The following MAML3 variants were observed in gnomAD, a reference collection of about 807,000 sequenced individuals.
The protein encoded by MAML3 is mastermind-like protein 3.
A neutral mutation model predicts 101.9 loss-of-function variants in MAML3; 27 were observed. That is an observed-to-expected ratio of 0.27 (90% CI 0.20 to 0.37). The LOEUF is 0.37. MAML3 is among the 10% of genes least tolerant of loss of function. The probability of loss-of-function intolerance (pLI) is 1.00; values close to 1 mark genes in which losing one functional copy is unlikely to be tolerated. For synonymous variants in MAML3, 501 were observed against 555.9 expected, an observed-to-expected ratio of 0.90 and a Z score of 1.39; for missense variants, 1,316 against 1,444.9, an observed-to-expected ratio of 0.91 and a Z score of 1.45.
chr4:139,852,403 G>GTTTTTTTTTTTTTTTTTGTTTTT (rs1731573441), intron 2 of MAML3, among the ~76,000 whole-genome samples: 3 of 68,346 alleles, frequency 4.4e-5, no homozygotes, highest in African/African-American at 2.0e-4. Context: ...TCAGAAGACT[G>GTTTTTTTTTTTTTTTTTGTTTTT]TTTTTTTTTT....
At chr4:140,113,662 T>C (rs748142811) in intron 1 of MAML3, among the ~76,000 whole-genome samples, 1 of 152,202 alleles carries the variant, frequency 6.6e-6, no homozygotes, top group Admixed American at 6.5e-5. Flanking sequence ...CACAAAAGCT[T>C]GGGAGCAACC....
chr4:139,874,881 G>A (rs1341034412), intron 2 of MAML3, among the ~76,000 whole-genome samples: 1 of 145,752 alleles, frequency 6.9e-6, no homozygotes, highest in African/African-American at 2.6e-5. Flanking sequence ...TCAGCTCACT[G>A]CAAGCTCCTC....
At chr4:140,093,543 A>G (rs1728098836) in intron 1 of MAML3, among the ~76,000 whole-genome samples, 1 of 151,496 alleles carries the variant, frequency 6.6e-6, no homozygotes, top group African/African-American at 2.4e-5. Flanking sequence ...CAGCCTCCCA[A>G]GTAGCTGGGA....
At chr4:139,776,922 A>G (rs1373995569) in intron 2 of MAML3, among the ~76,000 whole-genome samples, 1 of 152,230 alleles carries the variant, frequency 6.6e-6, no homozygotes. Flanking sequence ...AGCAATAGCC[A>G]TAATTAAAGG....
Position 139,962,895 on chromosome 4 carries a change from T to C in MAML3, c.469-71928A>G, listed in dbSNP as rs1049147723. On this transcript the variant is annotated intron_variant, in intron 1 of 4. Transcript: ENST00000509479. ...ACATGGGGGAATGCCTTGGTGCTTC[T>C]TTTTTTTACCACTGCAAATAAGTAT... Among the ~76,000 whole-genome samples, 47 of 134,710 alleles carry C rather than the reference T, an allele frequency of 3.5e-4. 1 individual carries two copies. The highest frequency in any genetic ancestry group is 1.0e-4 in the Non-Finnish European group (7 of 67,874). 88.4% of individuals were successfully genotyped at this position (134,710 alleles called of 152,430 possible).
Position 139,970,279 on chromosome 4 carries a change from T to C in MAML3, c.469-79312A>G, listed in dbSNP as rs562104809. On this transcript the variant is annotated intron_variant, in intron 1 of 4. Coordinates refer to ENST00000509479, the MANE Select transcript of MAML3 (RefSeq NM_018717.5). ...AGCATTGGATGAAATTAGTTGGATT[T>C]TGATAGGTGGAGAAGATGAGCAAGA... Among the ~76,000 whole-genome samples the C allele has an allele frequency of 9.2e-5, 14 of 152,254 alleles. 1 individual carries two copies. In the South Asian group the frequency reaches 2.9e-3, roughly 32 times the overall value.
At chr4:140,072,798 C>CA (rs1206893597) in intron 1 of MAML3, among the ~76,000 whole-genome samples, 2 of 152,190 alleles carry the variant, frequency 1.3e-5, no homozygotes, top group African/African-American at 4.8e-5. Context: ...AGCCATCCCC[C>CA]ATGGACACCA....
chr4:140,016,336 C>T (rs1230003346), intron 1 of MAML3, among the ~76,000 whole-genome samples: 1 of 152,050 alleles, frequency 6.6e-6, no homozygotes, highest in East Asian at 1.9e-4. Context: ...TGGAAGACAA[C>T]ATAGTAAGAT....
At chr4:139,987,438 C>T (rs1327292883) in intron 1 of MAML3, among the ~76,000 whole-genome samples, 3 of 152,250 alleles carry the variant, frequency 2.0e-5, no homozygotes, top group South Asian at 2.1e-4. Flanking sequence ...GTGGGAACGC[C>T]GTGCGTCATC....
chr4:140,075,083 T>C (rs919740161), intron 1 of MAML3, among the ~76,000 whole-genome samples: 5 of 152,216 alleles, frequency 3.3e-5, no homozygotes, highest in African/African-American at 1.2e-4. Flanking sequence ...ACGCTTATGA[T>C]AGACTCAGCA....
At chr4:139,941,856 G>C (rs927285658) in intron 1 of MAML3, among the ~76,000 whole-genome samples, 11 of 152,084 alleles carry the variant, frequency 7.2e-5, no homozygotes, top group Non-Finnish European at 1.2e-4. Flanking sequence ...ATACCAAGCC[G>C]GTCACGATGG....
At chr4:140,103,779 C>T (rs1402341041) in intron 1 of MAML3, among the ~76,000 whole-genome samples, 4 of 152,182 alleles carry the variant, frequency 2.6e-5, no homozygotes, top group Admixed American at 6.5e-5. Flanking sequence ...CTGCTTATTA[C>T]GTCAGCTTCC....
chr4:139,805,505 A>G (rs1003916063), intron 2 of MAML3, among the ~76,000 whole-genome samples: 5 of 152,214 alleles, frequency 3.3e-5, no homozygotes, highest in Admixed American at 6.5e-5. Context: ...TCAGAAACAG[A>G]AATAATTAAA....
chr4:139,993,686 G>T (rs943696209), intron 1 of MAML3, among the ~76,000 whole-genome samples: 1 of 151,858 alleles, frequency 6.6e-6, no homozygotes, highest in Non-Finnish European at 1.5e-5. Context: ...AAATTAACTG[G>T]GTGTGGTGGC....
At chr4:139,950,588 T>G (rs570098163) in intron 1 of MAML3, among the ~76,000 whole-genome samples, 2 of 152,176 alleles carry the variant, frequency 1.3e-5, no homozygotes, top group Non-Finnish European at 2.9e-5. Flanking sequence ...GTAGTTCTTA[T>G]AAGAAAAGAT....
At chr4:139,741,833 G>A (rs1729175002) in intron 2 of MAML3, among the ~76,000 whole-genome samples, 2 of 152,210 alleles carry the variant, frequency 1.3e-5, no homozygotes, top group East Asian at 1.9e-4. Context: ...TTTATCTTGT[G>A]CACGGTATAA....
chr4:139,776,523 T>C (rs1417557949), intron 2 of MAML3, among the ~76,000 whole-genome samples: 1 of 152,300 alleles, frequency 6.6e-6, no homozygotes, highest in East Asian at 1.9e-4. Context: ...TAGGGAAAAG[T>C]GCAGAGCTGC....
chr4:139,974,888 G>A (rs1197947216), intron 1 of MAML3, among the ~76,000 whole-genome samples: 2 of 152,022 alleles, frequency 1.3e-5, no homozygotes, highest in Non-Finnish European at 2.9e-5. Context: ...GGCAGGAGGT[G>A]GTCACTGTTT....
At chr4:139,918,176 C>G (rs1470816840) in intron 1 of MAML3, among the ~76,000 whole-genome samples, 1 of 152,134 alleles carries the variant, frequency 6.6e-6, no homozygotes, top group Non-Finnish European at 1.5e-5. Flanking sequence ...AGTCTACTCT[C>G]CACCAGCATC....
Sources: allele counts gnomAD v4.1 joint callset (sites outside exome capture counted in the v4.1 genomes callset), GRCh38; gene constraint gnomAD v4.1.1; transcripts MANE v1.5; gene names NCBI Gene and HGNC (gene_info 2026-07-23, HGNC 2026-07-21).